Variants in ACTR3 observed in about 807,000 individuals in gnomAD.
ACTR3 encodes actin-related protein 3.
Under a neutral mutation model 56.8 loss-of-function variants are expected in ACTR3, and 12 were observed. That is an observed-to-expected ratio of 0.21 (90% CI 0.14 to 0.34). The LOEUF (loss-of-function observed/expected upper bound fraction) is 0.34. Ranked by LOEUF, ACTR3 falls within the 10% of genes least tolerant of loss-of-function variation. The pLI is 1.00. For missense variants in ACTR3, 282 were observed against 512.5 expected (o/e 0.55, Z 4.34); for synonymous variants, 162 against 167.4 (o/e 0.97, Z 0.25).
In ACTR3 at chr2:113,925,196, T is replaced by C. The variant is rs1348404028; in HGVS notation, c.226-2149T>C. ...ACAGGCGTGAGCCATCGTGCCACCT[T>C]TTTTTTTTTTTTTTTTGGAGACAGA... On this transcript the variant is annotated intron_variant, in intron 3 of 11. Transcript: ENST00000263238. Among the ~76,000 whole-genome samples the C allele has an allele frequency of 2.4e-4, 21 of 87,410 alleles. 1 individual carries two copies. The highest frequency in any genetic ancestry group is 5.5e-4 in the African/African-American group (8 of 14,604). 57.3% of individuals were successfully genotyped at this position (87,410 alleles called of 152,430 possible).
intron 6 of ACTR3, among the ~76,000 whole-genome samples, chr2:113,936,930 A>G (rs747278817): frequency 9.2e-5 from 14 of 152,128 alleles, no homozygotes; most frequent in Non-Finnish European, 1.9e-4. Context: ...TCTTAAGGAC[A>G]CCACTTATAT....
Position 113,957,504 on chromosome 2 carries a change from T to C in ACTR3, c.*49T>C. 6.9e-7 allele frequency: 1 copy of C among 1,458,186 alleles called. No individual in the cohort carries two copies. Among genetic ancestry groups the C allele is most frequent in the African/African-American group, 1.4e-5 (1 of 71,922 alleles). The allele number at this position is 1,458,186 out of a possible 1,614,324, so 90.3% of individuals were successfully genotyped here. Reference sequence around the variant, plus strand: ...TTAGGGAGGTGGGGAAGAGATAATCTTTCTGATTACCTGTTTTGTCTGGAT... The same window carrying C: ...TTAGGGAGGTGGGGAAGAGATAATCCTTCTGATTACCTGTTTTGTCTGGAT... On this transcript the variant is annotated 3_prime_UTR_variant, in exon 12 of 12. Transcript: ENST00000263238.
intron 8 of ACTR3, among the ~76,000 whole-genome samples, chr2:113,943,038 A>G (rs1363441320): frequency 1.3e-5 from 2 of 152,256 alleles, no homozygotes; most frequent in Non-Finnish European, 2.9e-5. Context: ...CAGCTTAAGC[A>G]CTGGGTATTC....
In ACTR3 at chr2:113,917,058, C is replaced by T. The variant is rs764950233; in HGVS notation, c.225+50C>T. 3.3e-6 allele frequency: 5 copies of T among 1,499,750 alleles called. No homozygotes were observed. In the South Asian group the frequency reaches 5.1e-5, roughly 15 times the overall value. The allele number at this position is 1,499,750 out of a possible 1,614,324, so 92.9% of individuals were successfully genotyped here. On this transcript the variant is annotated intron_variant, in intron 3 of 11. Transcript: ENST00000263238. ...TAACATTTTCAAAAAATAGTTTGTTCGATGCTTGTGCCCTCTGGAATTCAC... is the reference window on the plus strand; with the variant it reads ...TAACATTTTCAAAAAATAGTTTGTTTGATGCTTGTGCCCTCTGGAATTCAC...
chr2:113,918,037 G>A (rs1021881642), intron 3 of ACTR3, among the ~76,000 whole-genome samples: 1 of 152,198 alleles, frequency 6.6e-6, no homozygotes, highest in African/African-American at 2.4e-5. Flanking sequence ...AGGCTTTACA[G>A]TATGAGAGGG....
intron 4 of ACTR3, 98 bp from the exon 5 acceptor site, chr2:113,931,198 TAAATA>T: frequency 1.5e-6 from 1 of 662,462 alleles, no homozygotes; most frequent in Non-Finnish European, 2.4e-6. Flanking sequence ...TAATGCATTT[TAAATA>T]AAATGTTTGA....
rs769519193 is a variant in ACTR3, at chr2:113,942,233, G to A, written c.732G>A (p.Lys244=). ...VCPDLVKEFN[K]YDTDGSKWIK... Reference sequence around the variant, plus strand: ...CAGATTTAGTAAAAGAATTTAACAAGTATGATACAGATGGGTCAAAATGGA... The same window carrying A: ...CAGATTTAGTAAAAGAATTTAACAAATATGATACAGATGGGTCAAAATGGA... Residue 244 remains lysine (K), a synonymous_variant, in exon 8 of 12, where the codon AAG becomes AAA. Transcript: ENST00000263238. The A allele has an allele frequency of 1.4e-5, 22 of 1,597,394 alleles. No homozygotes were observed. Among genetic ancestry groups the A allele is most frequent in the Non-Finnish European group, 1.6e-5 (19 of 1,174,638 alleles).
chr2:113,914,026 C>T (rs34308150), intron 2 of ACTR3, among the ~76,000 whole-genome samples: 11,192 of 152,196 alleles, frequency 0.074, 459 homozygotes, highest in African/African-American at 0.1. Flanking sequence ...CTTAGTGGTT[C>T]TCCTAGACAT....
chr2:113,922,809 G>A (rs1013210416), intron 3 of ACTR3, among the ~76,000 whole-genome samples: 7 of 152,204 alleles, frequency 4.6e-5, no homozygotes, highest in African/African-American at 1.7e-4. Context: ...GATGGCTAGG[G>A]AATAATTAAA....
At chr2:113,899,827 T>C (rs1339732675) in intron 1 of ACTR3, among the ~76,000 whole-genome samples, 1 of 152,226 alleles carries the variant, frequency 6.6e-6, no homozygotes, top group Non-Finnish European at 1.5e-5. Flanking sequence ...TGAAGGAGTT[T>C]CAAAGTATTT....
At chr2:113,934,935 A>C (rs577804014) in intron 6 of ACTR3, among the ~76,000 whole-genome samples, 1 of 152,358 alleles carries the variant, frequency 6.6e-6, no homozygotes, top group African/African-American at 2.4e-5. Context: ...ACTAGAATTC[A>C]TACTGTTTAT....
intron 1 of ACTR3, among the ~76,000 whole-genome samples, chr2:113,907,050 A>G (rs900725760): frequency 2.6e-5 from 4 of 152,216 alleles, no homozygotes; most frequent in Non-Finnish European, 5.9e-5. Flanking sequence ...GCTTTCAGAT[A>G]TGAAAGTTTG....
chr2:113,894,414 A>C (rs930062345), intron 1 of ACTR3, among the ~76,000 whole-genome samples: 1 of 152,208 alleles, frequency 6.6e-6, no homozygotes, highest in Non-Finnish European at 1.5e-5. Context: ...TTCTTTAGCC[A>C]TCTCCAAAGG....
chr2:113,905,565 T>C (rs1171209064), intron 1 of ACTR3, among the ~76,000 whole-genome samples: 2 of 152,162 alleles, frequency 1.3e-5, no homozygotes, highest in Non-Finnish European at 2.9e-5. Context: ...TACATTCACA[T>C]TATTGTCTAA....
intron 10 of ACTR3, chr2:113,954,212 A>C (rs1402912474): frequency 6.6e-6 from 1 of 152,198 alleles, no homozygotes; most frequent in Non-Finnish European, 1.5e-5. Flanking sequence ...TGTGTCTGCC[A>C]GGTTTTTTCA....
chr2:113,929,751 A>G (rs62169889), intron 4 of ACTR3, among the ~76,000 whole-genome samples: 70,000 of 151,838 alleles, frequency 0.46, 20,069 homozygotes, highest in Middle Eastern at 0.66. Context: ...ATCTTGGCTC[A>G]CTGAAACCTC....
At chr2:113,890,796 G>C (rs1272807722) in intron 1 of ACTR3, 5 of 1,001,920 alleles carry the variant, frequency 5.0e-6, no homozygotes, top group Non-Finnish European at 4.8e-6. Flanking sequence ...TGACAAGATC[G>C]CTGTGACAAC....
At chr2:113,929,908 G>C (rs1280932623) in intron 4 of ACTR3, among the ~76,000 whole-genome samples, 1 of 152,040 alleles carries the variant, frequency 6.6e-6, no homozygotes, top group Non-Finnish European at 1.5e-5. Flanking sequence ...TGAACTTCTA[G>C]TCTCAAGTAA....
At chr2:113,923,125 A>G (rs371864365) in intron 3 of ACTR3, among the ~76,000 whole-genome samples, 1 of 152,138 alleles carries the variant, frequency 6.6e-6, no homozygotes, top group Non-Finnish European at 1.5e-5. Context: ...ACTTCTCTCA[A>G]TCTTTATTCC....
Sources: gnomAD v4.1 joint callset for allele counts (sites outside exome capture counted in the v4.1 genomes callset) on GRCh38, gnomAD v4.1.1 for gene constraint, MANE v1.5 for transcripts, NCBI Gene and HGNC (gene_info 2026-07-23, HGNC 2026-07-21) for gene names.